ZNF827: variants seen among roughly 807,000 people sequenced by gnomAD.
The protein encoded by ZNF827 is zinc finger protein 827.
A neutral mutation model predicts 102.4 loss-of-function variants in ZNF827; 13 were observed. The observed-to-expected ratio is 0.13, with a 90% CI of 0.08 to 0.20. ZNF827 has a LOEUF of 0.20. Among genes scored for constraint, ZNF827 ranks in the 10% least tolerant of loss-of-function variants. The probability of loss-of-function intolerance (pLI) is 1.00; values close to 1 mark genes in which losing one functional copy is unlikely to be tolerated. For synonymous variants in ZNF827, 523 were observed against 536.2 expected, an observed-to-expected ratio of 0.98 and a Z score of 0.34; for missense variants, 1,103 against 1,344.4, an observed-to-expected ratio of 0.82 and a Z score of 2.81.
chr4:145,767,911 A>G (rs1415347394), intron 11 of ZNF827, among the ~76,000 whole-genome samples: 1 of 152,258 alleles, frequency 6.6e-6, no homozygotes, highest in Non-Finnish European at 1.5e-5. Flanking sequence ...TACACAAAAG[A>G]ATGAAGAGGC....
At chr4:145,923,567 C>T (rs954582892) in intron 1 of ZNF827, among the ~76,000 whole-genome samples, 9 of 152,026 alleles carry the variant, frequency 5.9e-5, no homozygotes, top group African/African-American at 2.2e-4. Context: ...TGCACCACTG[C>T]ACTCCAGCCT....
intron 8 of ZNF827, among the ~76,000 whole-genome samples, chr4:145,780,898 G>A (rs534740578): frequency 5.3e-5 from 8 of 152,298 alleles, no homozygotes; most frequent in African/African-American, 1.7e-4. Context: ...CCTAATCCAC[G>A]CAGATGAAAA....
At position 145,921,042 on chromosome 4, in the gene ZNF827, C is replaced by T. The variant is rs541338604; in HGVS notation, c.43+17323G>A. On this transcript the variant is annotated intron_variant, in intron 1 of 14. Coordinates refer to ENST00000508784, the MANE Select transcript of ZNF827 (RefSeq NM_001306215.2). Reference sequence around the variant, plus strand: ...CTATGGGAACCAGGGGAGGAGACGCCTAATTCTACCCAGCATGTGGGACAA... The same window carrying T: ...CTATGGGAACCAGGGGAGGAGACGCTTAATTCTACCCAGCATGTGGGACAA... 3.9e-5 allele frequency among the ~76,000 whole-genome samples: 6 copies of T among 152,252 alleles called. No individual in the cohort carries two copies. In the South Asian group the frequency reaches 1.2e-3, roughly 32 times the overall value.
chr4:145,834,840 A>G (rs988783910), intron 7 of ZNF827: 1 of 151,366 alleles, frequency 6.6e-6, no homozygotes, highest in African/African-American at 2.4e-5. Context: ...CTGAAACCCC[A>G]CAACAGGATT....
chr4:145,767,181 A>C (rs575718971), intron 11 of ZNF827, among the ~76,000 whole-genome samples: 20 of 152,362 alleles, frequency 1.3e-4, no homozygotes, highest in African/African-American at 4.8e-4. Context: ...TCATATGTTC[A>C]AGAAGTTAAG....
Position 145,918,332 on chromosome 4 carries a change from C to CAA in ZNF827, c.44-15119_44-15118dup, listed in dbSNP as rs34428145. Among the ~76,000 whole-genome samples the CAA allele has an allele frequency of 7.0e-3, 156 of 22,140 alleles. 22 individuals are homozygous for CAA. Among genetic ancestry groups the CAA allele is most frequent in the East Asian group, 9.5e-3 (5 of 528 alleles). The allele number at this position is 22,140 out of a possible 152,430, so 14.5% of individuals were successfully genotyped here. On this transcript the variant is annotated intron_variant, in intron 1 of 14. Transcript: ENST00000508784. ...CATAAAAACTATTCTTAGCTCAAGGCAAAAAAAAAAAAAAAAAAAAAAAAA... is the reference window on the plus strand; with the variant it reads ...CATAAAAACTATTCTTAGCTCAAGGCAAAAAAAAAAAAAAAAAAAAAAAAAAA...
chr4:145,779,530 G>A lies in ZNF827; in HGVS notation c.2384-19C>T. ...TCTGTTTCTGGGTCAAAAGAACAAA[G>A]CATCATGAGAAATAAGGCAACAAGA... is the stretch of plus-strand genomic sequence containing the variant. On this transcript the variant is annotated intron_variant, in intron 8 of 14. Coordinates refer to ENST00000508784, the MANE Select transcript of ZNF827 (RefSeq NM_001306215.2). 1 of 1,610,414 alleles carries A rather than the reference G, an allele frequency of 6.2e-7. No individual in the cohort carries two copies. The highest frequency in any genetic ancestry group is 8.5e-7 in the Non-Finnish European group (1 of 1,178,674).
At chr4:145,764,757 A>T in intron 13 of ZNF827, 1 of 569,326 alleles carries the variant, frequency 1.8e-6, no homozygotes, top group Non-Finnish European at 3.1e-6. Flanking sequence ...TCTTGCCCTG[A>T]ATCCCGGGGT....
chr4:145,770,206 C>T (rs1012663586), intron 11 of ZNF827, among the ~76,000 whole-genome samples: 4 of 151,914 alleles, frequency 2.6e-5, no homozygotes, highest in African/African-American at 7.3e-5. Context: ...GGCTGAGACA[C>T]GAAAATTGCT....
chr4:145,886,371 C>T (rs993386183), intron 3 of ZNF827, among the ~76,000 whole-genome samples: 1 of 152,170 alleles, frequency 6.6e-6, no homozygotes, highest in Non-Finnish European at 1.5e-5. Flanking sequence ...TAGGGCCATG[C>T]TCACAACTGA....
At chr4:145,863,763 G>T (rs1413090896) in intron 5 of ZNF827, among the ~76,000 whole-genome samples, 1 of 152,148 alleles carries the variant, frequency 6.6e-6, no homozygotes, top group Non-Finnish European at 1.5e-5. Flanking sequence ...TGCTGCTCAT[G>T]GGCTCGACAT....
intron 7 of ZNF827, among the ~76,000 whole-genome samples, chr4:145,829,466 T>G (rs1354335971): frequency 1.3e-5 from 2 of 152,326 alleles, no homozygotes; most frequent in Admixed American, 1.3e-4. Flanking sequence ...TATCATATAT[T>G]CAGCCATATA....
intron 1 of ZNF827, among the ~76,000 whole-genome samples, chr4:145,937,985 C>T (rs1411861985): frequency 6.6e-6 from 1 of 150,416 alleles, no homozygotes; most frequent in Middle Eastern, 3.4e-3. Context: ...CACCTCCCCC[C>T]ACCAAACCCC....
chr4:145,899,813 G>C (rs934411445), intron 2 of ZNF827, among the ~76,000 whole-genome samples: 3 of 152,184 alleles, frequency 2.0e-5, no homozygotes, highest in African/African-American at 7.2e-5. Flanking sequence ...TTAGGTACAA[G>C]TCAATCAGCA....
In ZNF827 at chr4:145,911,391, G is replaced by A. The variant is rs192683622; in HGVS notation, c.44-8176C>T. On this transcript the variant is annotated intron_variant, in intron 1 of 14. Coordinates refer to ENST00000508784, the MANE Select transcript of ZNF827 (RefSeq NM_001306215.2). ...GACATGCTTTGGAGAAACATGTACC[G>A]TGTTTGTAGAAGCAAGAATGTATAA... Among the ~76,000 whole-genome samples, 8 of 152,276 alleles carry A rather than the reference G, an allele frequency of 5.3e-5. No individual in the cohort carries two copies. In the East Asian group the frequency reaches 1.3e-3, roughly 26 times the overall value.
chr4:145,862,152 G>A (rs1207649125), intron 5 of ZNF827, among the ~76,000 whole-genome samples: 1 of 152,174 alleles, frequency 6.6e-6, no homozygotes, highest in Admixed American at 6.5e-5. Flanking sequence ...AAACAGAAGG[G>A]TGCTTACTGG....
chr4:145,810,360 TGAGTA>T (rs1318577514), intron 8 of ZNF827, among the ~76,000 whole-genome samples: 1 of 151,846 alleles, frequency 6.6e-6, no homozygotes, highest in Admixed American at 6.6e-5. Flanking sequence ...AATTATTATA[TGAGTA>T]AAGGCCAATT....
intron 8 of ZNF827, among the ~76,000 whole-genome samples, chr4:145,800,436 C>T (rs1421452614): frequency 1.3e-5 from 2 of 152,028 alleles, no homozygotes; most frequent in Non-Finnish European, 1.5e-5. Flanking sequence ...TCACTGCAAC[C>T]TCTACCTCCC....
At chr4:145,918,051 G>A (rs1752794881) in intron 1 of ZNF827, among the ~76,000 whole-genome samples, 1 of 151,870 alleles carries the variant, frequency 6.6e-6, no homozygotes, top group South Asian at 2.1e-4. Context: ...ATTAGGTTGG[G>A]GCAGAAAGTA....
Sources: allele counts gnomAD v4.1 joint callset (sites outside exome capture counted in the v4.1 genomes callset), GRCh38; gene constraint gnomAD v4.1.1; transcripts MANE v1.5; gene names NCBI Gene and HGNC (gene_info 2026-07-23, HGNC 2026-07-21).